The following AKAP13 variants were observed in gnomAD, a reference collection of about 807,000 sequenced individuals.
AKAP13 encodes A-kinase anchoring protein 13, also known as A-kinase anchor protein 13.
A neutral mutation model predicts 264.5 loss-of-function variants in AKAP13; 80 were observed. The ratio of observed to expected loss-of-function variants is 0.30; its 90% CI spans 0.25 to 0.36. AKAP13 has a LOEUF of 0.36. AKAP13 is among the 10% of genes least tolerant of loss of function. The probability of loss-of-function intolerance (pLI) is 1.00; values close to 1 mark genes in which losing one functional copy is unlikely to be tolerated. For missense variants in AKAP13, 3,712 were observed against 3,435.2 expected, an observed-to-expected ratio of 1.08 and a Z score of -2.01; for synonymous variants, 1,380 against 1,250.2, an observed-to-expected ratio of 1.10 and a Z score of -2.19.
At position 85,498,199 on chromosome 15, in the gene AKAP13, G is replaced by GATATATATATATATATATATAT. The variant is rs59420326; in HGVS notation, c.33+12453_33+12474dup. Among the ~76,000 whole-genome samples the GATATATATATATATATATATAT allele has an allele frequency of 7.1e-4, 95 of 133,010 alleles. 1 individual carries two copies. Among genetic ancestry groups the GATATATATATATATATATATAT allele is most frequent in the African/African-American group, 2.6e-3 (89 of 34,772 alleles). 87.3% of individuals were successfully genotyped at this position (133,010 alleles called of 152,430 possible). ...TGGTAGTAAGGATTAAATGAAGTGA[G>GATATATATATATATATATATAT]ATATATATATATATATATATATATA... On this transcript the variant is annotated intron_variant, in intron 2 of 36. Coordinates refer to ENST00000394518, the MANE Select transcript of AKAP13 (RefSeq NM_007200.5).
intron 1 of AKAP13, among the ~76,000 whole-genome samples, chr15:85,442,899 T>A (rs1463716542): frequency 6.6e-6 from 1 of 152,084 alleles, no homozygotes; most frequent in Non-Finnish European, 1.5e-5. Context: ...AGGCCTTGTA[T>A]CCCAGAAAGC....
intron 1 of AKAP13, among the ~76,000 whole-genome samples, chr15:85,446,991 G>T (rs1004793541): frequency 3.9e-5 from 6 of 152,124 alleles, no homozygotes; most frequent in Non-Finnish European, 5.9e-5. Flanking sequence ...AATTTAGGCC[G>T]GGTGTGGCGG....
intron 8 of AKAP13, chr15:85,619,212 G>A (rs902654979): frequency 4.1e-6 from 1 of 245,426 alleles, no homozygotes; most frequent in Non-Finnish European, 6.5e-6. Context: ...TTTTCTCTTC[G>A]TCTCGGTAGA....
At chr15:85,555,280 A>G (rs2078102601) in intron 5 of AKAP13, 2 of 208,618 alleles carry the variant, frequency 9.6e-6, no homozygotes, top group Non-Finnish European at 1.7e-5. Context: ...AAGGTTGGAC[A>G]CTATTATGGT....
intron 1 of AKAP13, among the ~76,000 whole-genome samples, chr15:85,475,852 C>G (rs553572245): frequency 6.6e-6 from 1 of 152,270 alleles, no homozygotes; most frequent in African/African-American, 2.4e-5. Context: ...ATTTCTCTGT[C>G]TCTGATGTTC....
At chr15:85,532,746 G>A (rs2077280787) in intron 3 of AKAP13, among the ~76,000 whole-genome samples, 1 of 152,204 alleles carries the variant, frequency 6.6e-6, no homozygotes, top group Admixed American at 6.5e-5. Context: ...CCATAGACAC[G>A]TGGTGTTAAA....
At chr15:85,404,813 G>A (rs919462195) in intron 1 of AKAP13, among the ~76,000 whole-genome samples, 2 of 152,196 alleles carry the variant, frequency 1.3e-5, no homozygotes, top group Non-Finnish European at 2.9e-5. Context: ...GATTGTGGCT[G>A]TGTTGAAAAG....
intron 1 of AKAP13, among the ~76,000 whole-genome samples, chr15:85,383,219 A>T (rs1195189376): frequency 1.3e-5 from 2 of 152,138 alleles, no homozygotes; most frequent in African/African-American, 4.8e-5. Flanking sequence ...TTGTTGGACA[A>T]ATCTAGTCAC....
chr15:85,429,995 T>C (rs989937334), intron 1 of AKAP13, among the ~76,000 whole-genome samples: 1 of 152,226 alleles, frequency 6.6e-6, no homozygotes, highest in East Asian at 1.9e-4. Flanking sequence ...TAATCTTTAA[T>C]GGATTTAGGC....
chr15:85,718,017 A>G lies in AKAP13; in HGVS notation c.5859A>G (p.Thr1953=), dbSNP rs750482137. The change falls in exon 22 of 37, where the codon ACA becomes ACG. Residue 1953 remains threonine, a synonymous_variant. Coordinates refer to ENST00000394518, the MANE Select transcript of AKAP13 (RefSeq NM_007200.5). The surrounding 1 kb of genome is among the most constrained non-coding windows in gnomAD (Gnocchi z 4.9). Reference sequence around the variant, plus strand: ...TTTTGATATATTGAGGAGTAGGTACAGACATGAATGAAGGACAACTACTGG... The same window carrying G: ...TTTTGATATATTGAGGAGTAGGTACGGACATGAATGAAGGACAACTACTGG... ...TESLTDEGVG[T]DMNEGQLLGD... 3 of 1,614,118 alleles carry G rather than the reference A, an allele frequency of 1.9e-6. No homozygotes were observed. Among genetic ancestry groups the G allele is most frequent in the Non-Finnish European group, 2.5e-6 (3 of 1,179,980 alleles).
chr15:85,404,691 C>G, intron 1 of AKAP13, among the ~76,000 whole-genome samples: 1 of 152,178 alleles, frequency 6.6e-6, no homozygotes, highest in Non-Finnish European at 1.5e-5. Context: ...TAAAGTTGTA[C>G]TTGTATATCT....
chr15:85,693,664 G>A (rs1237412346), intron 17 of AKAP13, among the ~76,000 whole-genome samples: 2 of 152,118 alleles, frequency 1.3e-5, no homozygotes, highest in African/African-American at 2.4e-5. Context: ...TTCAAATACA[G>A]TCAAGTTAAG....
intron 34 of AKAP13, 68 bp downstream of exon 34, chr15:85,740,340 A>T: frequency 6.4e-7 from 1 of 1,572,082 alleles, no homozygotes; most frequent in East Asian, 2.3e-5. Flanking sequence ...GCTGTTGTTG[A>T]CTTGGATCTT....
Position 85,579,551 on chromosome 15 carries a change from A to G in AKAP13, c.1483A>G (p.Lys495Glu). Residue 495 changes from lysine (K) to glutamate (E), a missense_variant, in exon 7 of 37, where the codon AAG becomes GAG. Physicochemically the swap from Lys to Glu is moderately conservative, Grantham distance 56. Around this residue, in one of 3 missense-constraint regions of AKAP13, gnomAD observed 2,759 missense variants for 2,411.7 expected, o/e 1.14. Transcript: ENST00000394518. ...GLMNPDATVW[K>E]NVLQGGESTK... ...CATGAACCCAGATGCCACTGTTTGGAAGAATGTGCTTCAGGGAGGGGAAAG... is the reference window on the plus strand; with the variant it reads ...CATGAACCCAGATGCCACTGTTTGGGAGAATGTGCTTCAGGGAGGGGAAAG... 2 of 1,614,192 alleles carry G rather than the reference A, an allele frequency of 1.2e-6. No homozygotes were observed. Among genetic ancestry groups the G allele is most frequent in the South Asian group, 2.2e-5 (2 of 91,088 alleles).
Position 85,658,524 on chromosome 15 carries a change from C to T in AKAP13, c.4746-13C>T, listed in dbSNP as rs1047588038. On this transcript the variant is annotated splice_polypyrimidine_tract_variant and intron_variant, in intron 11 of 36. Coordinates refer to ENST00000394518, the MANE Select transcript of AKAP13 (RefSeq NM_007200.5). ...TCACCTGCAACACTGACCTCTTCAC[C>T]ATTCATTTTCAGTTCAATGCGAGTT... The T allele has an allele frequency of 1.4e-5, 23 of 1,613,392 alleles. 1 individual carries two copies. The highest frequency in any genetic ancestry group is 1.9e-5 in the Non-Finnish European group (23 of 1,179,664).
chr15:85,632,807 A>T (rs1378880968), intron 8 of AKAP13, among the ~76,000 whole-genome samples: 5 of 152,166 alleles, frequency 3.3e-5, no homozygotes, highest in Non-Finnish European at 7.4e-5. Flanking sequence ...TGTTCACTTT[A>T]CTCATTGGCT....
chr15:85,740,478 T>C (rs1173914694), intron 34 of AKAP13: 10 of 561,402 alleles, frequency 1.8e-5, no homozygotes, highest in South Asian at 1.5e-4. Context: ...TGGTGTGCCG[T>C]AGGCATGGCT....
In AKAP13 at chr15:85,718,904, AAAAAC is replaced by A; in HGVS notation, c.6002-167_6002-163del. On this transcript the variant is annotated intron_variant, in intron 22 of 36. Coordinates refer to ENST00000394518, the MANE Select transcript of AKAP13 (RefSeq NM_007200.5). The surrounding 1 kb of genome is among the most constrained non-coding windows in gnomAD (Gnocchi z 4.9). ...ACAGAGCCAGAACCTGTCTTAAAAA[AAAAAC>A]AAAAAAACAAAAAAACGAGAACACT... 1 of 929,904 alleles carries A rather than the reference AAAAAC, an allele frequency of 1.1e-6. No homozygotes were observed. The highest frequency in any genetic ancestry group is 1.5e-6 in the Non-Finnish European group (1 of 645,340). 57.6% of individuals were successfully genotyped at this position (929,904 alleles called of 1,614,324 possible).
chr15:85,737,490 CG>C, intron 33 of AKAP13, among the ~76,000 whole-genome samples: 1 of 152,086 alleles, frequency 6.6e-6, no homozygotes, highest in East Asian at 1.9e-4. Context: ...TTGCTTTTAA[CG>C]TTAAGTTAAA....
Sources: gnomAD v4.1 joint callset for allele counts (sites outside exome capture counted in the v4.1 genomes callset) on GRCh38, gnomAD v4.1.1 for gene constraint, gnomAD v4.1.1 regional missense constraint, Gnocchi (gnomAD v3.1) non-coding constraint, MANE v1.5 for transcripts, NCBI Gene and HGNC (gene_info 2026-07-23, HGNC 2026-07-21) for gene names.